Variants in PAN3 observed in about 807,000 individuals in gnomAD.
The protein encoded by PAN3 is poly(A) specific ribonuclease subunit PAN3.
Under a neutral mutation model 96.2 loss-of-function variants are expected in PAN3, and 19 were observed. That is an observed-to-expected ratio of 0.20 (90% CI 0.14 to 0.29). The LOEUF (loss-of-function observed/expected upper bound fraction) is 0.29. Ranked by LOEUF, PAN3 falls within the 10% of genes least tolerant of loss-of-function variation. The pLI, the probability that PAN3 is intolerant of heterozygous loss-of-function variation, is 1.00. For synonymous variants in PAN3, 433 were observed against 406.6 expected, an observed-to-expected ratio of 1.06 and a Z score of -0.78; for missense variants, 882 against 1,108.1, an observed-to-expected ratio of 0.80 and a Z score of 2.90.
intron 4 of PAN3, among the ~76,000 whole-genome samples, chr13:28,193,756 A>AAAC (rs60905725): frequency 2.2e-4 from 32 of 146,596 alleles, no homozygotes; most frequent in African/African-American, 7.1e-4. Flanking sequence ...AAAAAAAAAA[A>AAAC]CCCAAGAAAC....
chr13:28,291,348 A>G (rs1207391521), intron 18 of PAN3, among the ~76,000 whole-genome samples: 1 of 152,262 alleles, frequency 6.6e-6, no homozygotes, highest in Admixed American at 6.5e-5. Flanking sequence ...TTTATGCTTT[A>G]CAAAGACCTC....
At chr13:28,273,977 A>G (rs1886848305) in intron 14 of PAN3, among the ~76,000 whole-genome samples, 2 of 152,178 alleles carry the variant, frequency 1.3e-5, no homozygotes, top group Admixed American at 6.5e-5. Context: ...TTCATGCATA[A>G]ATCTGTTTTG....
At chr13:28,271,741 A>T (rs564723269) in intron 13 of PAN3, among the ~76,000 whole-genome samples, 1 of 152,308 alleles carries the variant, frequency 6.6e-6, no homozygotes, top group East Asian at 1.9e-4. Flanking sequence ...GATGTGAGTT[A>T]TAGTTCTGGC....
intron 6 of PAN3, among the ~76,000 whole-genome samples, chr13:28,226,048 G>A (rs1008053278): frequency 4.6e-5 from 7 of 152,084 alleles, no homozygotes; most frequent in African/African-American, 1.4e-4. Context: ...GAAACTCTTT[G>A]GAAACTGTTC....
intron 1 of PAN3, among the ~76,000 whole-genome samples, chr13:28,159,253 A>G (rs1477352809): frequency 1.3e-5 from 2 of 152,208 alleles, no homozygotes; most frequent in South Asian, 4.1e-4. Context: ...CATGTACACC[A>G]TGGACTACTA....
In PAN3 at chr13:28,265,982, G is replaced by A. The variant is rs1420395433; in HGVS notation, c.1412-733G>A. 9.2e-4 allele frequency among the ~76,000 whole-genome samples: 2 copies of A among 2,164 alleles called. 1 individual carries two copies. The highest frequency in any genetic ancestry group is 1.3e-3 in the Non-Finnish European group (2 of 1,596). The allele number at this position is 2,164 out of a possible 152,430, so 1.4% of individuals were successfully genotyped here. On this transcript the variant is annotated intron_variant, in intron 9 of 18. Coordinates refer to ENST00000380958, the MANE Select transcript of PAN3 (RefSeq NM_175854.8). ...GATCTCCTGACCTCATGATCCACCC[G>A]CCTCGGCCTCCCAAAGTGCTGGGAT...
At chr13:28,219,134 A>T (rs923148003) in intron 5 of PAN3, among the ~76,000 whole-genome samples, 1 of 152,162 alleles carries the variant, frequency 6.6e-6, no homozygotes, top group Non-Finnish European at 1.5e-5. Flanking sequence ...ATAGTTGGAA[A>T]TTTTTTAAAA....
intron 1 of PAN3, among the ~76,000 whole-genome samples, chr13:28,165,798 A>G (rs529996904): frequency 7.9e-5 from 12 of 152,190 alleles, no homozygotes; most frequent in Admixed American, 3.3e-4. Flanking sequence ...GCTGCTGTCT[A>G]TGCTTCAAGA....
intron 1 of PAN3, among the ~76,000 whole-genome samples, chr13:28,148,068 G>A (rs1032389061): frequency 1.3e-5 from 2 of 151,766 alleles, no homozygotes; most frequent in African/African-American, 4.8e-5. Flanking sequence ...CGATTCTTCT[G>A]CCTCAGCCTC....
intron 6 of PAN3, among the ~76,000 whole-genome samples, chr13:28,237,427 C>T (rs1162456709): frequency 6.6e-6 from 1 of 152,108 alleles, no homozygotes; most frequent in African/African-American, 2.4e-5. Flanking sequence ...ATTATCATTT[C>T]TGCCCCTAGA....
At chr13:28,266,620 C>T (rs1886201682) in intron 9 of PAN3, 95 bp from the exon 10 acceptor site, 2 of 958,472 alleles carry the variant, frequency 2.1e-6, no homozygotes, top group Non-Finnish European at 3.0e-6. Context: ...TTGTGATACA[C>T]AAGGGGTTTA....
At chr13:28,146,141 C>T (rs1383864582) in intron 1 of PAN3, among the ~76,000 whole-genome samples, 1 of 151,778 alleles carries the variant, frequency 6.6e-6, no homozygotes, top group Non-Finnish European at 1.5e-5. Context: ...CAAAATAAAT[C>T]AGTCTCCTCA....
intron 6 of PAN3, 45 bp downstream of exon 6, chr13:28,220,423 G>T (rs1399944609): frequency 1.3e-6 from 2 of 1,574,684 alleles, no homozygotes; most frequent in Non-Finnish European, 1.7e-6. Flanking sequence ...TACCATGTCT[G>T]TAAGCACCAT....
intron 17 of PAN3, among the ~76,000 whole-genome samples, chr13:28,285,558 T>C (rs751912563): frequency 6.6e-6 from 1 of 152,174 alleles, no homozygotes; most frequent in Non-Finnish European, 1.5e-5. Flanking sequence ...TCTTGGAAAC[T>C]TAACGTCCTT....
intron 1 of PAN3, among the ~76,000 whole-genome samples, chr13:28,154,052 T>A (rs1173108853): frequency 1.3e-5 from 2 of 152,240 alleles, no homozygotes; most frequent in African/African-American, 4.8e-5. Flanking sequence ...AACTGCTTTA[T>A]TGGAGGATAT....
intron 6 of PAN3, among the ~76,000 whole-genome samples, chr13:28,221,096 A>C (rs1012745005): frequency 6.6e-6 from 1 of 152,150 alleles, no homozygotes; most frequent in Non-Finnish European, 1.5e-5. Context: ...TTAAGAATTC[A>C]TGCAGATTTT....
intron 1 of PAN3, among the ~76,000 whole-genome samples, chr13:28,150,922 G>A (rs1871284841): frequency 6.6e-6 from 1 of 152,086 alleles, no homozygotes; most frequent in South Asian, 2.1e-4. Context: ...CCCAGTAATT[G>A]TATAGTATGT....
At chr13:28,139,682 G>A (rs1030670021) in intron 1 of PAN3, among the ~76,000 whole-genome samples, 6 of 151,980 alleles carry the variant, frequency 3.9e-5, no homozygotes, top group Admixed American at 3.3e-4. Context: ...AGGAGGGAGC[G>A]GACTGTCGCG....
intron 1 of PAN3, among the ~76,000 whole-genome samples, chr13:28,163,562 G>T (rs894466043): frequency 6.6e-6 from 1 of 152,138 alleles, no homozygotes; most frequent in African/African-American, 2.4e-5. Flanking sequence ...ACAGTTACTT[G>T]CTCATGCTCA....
Sources: gnomAD v4.1 joint callset for allele counts (sites outside exome capture counted in the v4.1 genomes callset) on GRCh38, gnomAD v4.1.1 for gene constraint, MANE v1.5 for transcripts, NCBI Gene and HGNC (gene_info 2026-07-23, HGNC 2026-07-21) for gene names.